NEK11: variants seen among roughly 807,000 people sequenced by gnomAD.
NEK11 encodes NIMA related kinase 11.
A neutral mutation model predicts 80.7 loss-of-function variants in NEK11; 72 were observed. The ratio of observed to expected loss-of-function variants is 0.89; its 90% CI spans 0.74 to 1.08. The LOEUF (loss-of-function observed/expected upper bound fraction) is 1.08. Among genes scored for constraint, NEK11 ranks in the 50% least tolerant of loss-of-function variants. The pLI is 0.00. For missense variants in NEK11, 764 were observed against 763.6 expected (o/e 1.00, Z -0.01); for synonymous variants, 251 against 260.7 (o/e 0.96, Z 0.36).
intron 14 of NEK11, among the ~76,000 whole-genome samples, chr3:131,208,517 T>C (rs1156875216): frequency 6.6e-6 from 1 of 152,214 alleles, no homozygotes; most frequent in Admixed American, 6.5e-5. Context: ...ATTGGTAGCT[T>C]GATGGGGATG....
chr3:131,039,562 C>T (rs1325072353), intron 3 of NEK11, among the ~76,000 whole-genome samples: 1 of 152,192 alleles, frequency 6.6e-6, no homozygotes, highest in Non-Finnish European at 1.5e-5. Context: ...TCCTTTCCTT[C>T]TAAACCGATC....
intron 16 of NEK11, among the ~76,000 whole-genome samples, chr3:131,266,208 T>A (rs2096055131): frequency 6.6e-6 from 1 of 152,224 alleles, no homozygotes; most frequent in Non-Finnish European, 1.5e-5. Flanking sequence ...CTCTAACTCC[T>A]TCAGTTTTGC....
intron 4 of NEK11, among the ~76,000 whole-genome samples, chr3:131,096,492 C>T (rs2077451198): frequency 6.6e-6 from 1 of 152,010 alleles, no homozygotes; most frequent in Non-Finnish European, 1.5e-5. Context: ...GAACATTATG[C>T]ATGCATATGT....
intron 17 of NEK11, among the ~76,000 whole-genome samples, chr3:131,297,093 G>A (rs1276006254): frequency 3.3e-5 from 5 of 152,088 alleles, no homozygotes; most frequent in African/African-American, 1.2e-4. Context: ...CCAAGTCTTT[G>A]CTATTGTGAA....
chr3:131,047,793 G>A lies in NEK11; in HGVS notation c.170+17915G>A, dbSNP rs537976822. Among the ~76,000 whole-genome samples, 21 of 152,348 alleles carry A rather than the reference G, an allele frequency of 1.4e-4. No individual in the cohort carries two copies. The South Asian group carries it at 4.3e-3, about 32-fold the overall frequency. On this transcript the variant is annotated intron_variant, in intron 3 of 17. Transcript: ENST00000383366. ...TGGCGCTTTCAAGAGAGCATCAGCT[G>A]TGGTAGTATAGGAAGGATCAGGTGG...
intron 17 of NEK11, among the ~76,000 whole-genome samples, chr3:131,311,949 A>G (rs1317214688): frequency 6.6e-6 from 1 of 152,226 alleles, no homozygotes; most frequent in Non-Finnish European, 1.5e-5. Context: ...ATTTGAAATA[A>G]CTGGTTGGGT....
chr3:131,092,904 T>C (rs1275812526), intron 4 of NEK11: 1 of 152,192 alleles, frequency 6.6e-6, no homozygotes, highest in Non-Finnish European at 1.5e-5. Context: ...CCAATTTTAG[T>C]ATATGTGCTG....
intron 3 of NEK11, among the ~76,000 whole-genome samples, chr3:131,071,214 C>A (rs1389317901): frequency 6.6e-6 from 1 of 152,090 alleles, no homozygotes; most frequent in Non-Finnish European, 1.5e-5. Flanking sequence ...GCTATTCCAG[C>A]AAGTATGTTA....
intron 7 of NEK11, among the ~76,000 whole-genome samples, chr3:131,151,267 C>G (rs1187837797): frequency 1.3e-5 from 2 of 151,976 alleles, no homozygotes; most frequent in African/African-American, 4.8e-5. Flanking sequence ...TACACGGGCT[C>G]TATTTCACTG....
In NEK11 at chr3:131,109,631, G is replaced by A. The variant is rs564638932; in HGVS notation, c.337-172G>A. The stretch of plus-strand genomic sequence containing the variant: ...TAATGTTGAGGCCGAGCTGAGAAGA[G>A]TGCTCAAAGGAACCTGGATAGACTT... On this transcript the variant is annotated intron_variant, in intron 4 of 17. Transcript: ENST00000383366. The A allele has an allele frequency of 2.5e-4, 155 of 624,080 alleles. No individual in the cohort carries two copies. In the African/African-American group the frequency reaches 2.6e-3, roughly 11 times the overall value. The allele number at this position is 624,080 out of a possible 1,614,324, so 38.7% of individuals were successfully genotyped here. A position where few individuals can be genotyped will look rare whatever the true frequency, so the allele number is the denominator to read the frequency against.
chr3:131,313,700 C>G (rs980608278), intron 17 of NEK11, among the ~76,000 whole-genome samples: 2 of 152,124 alleles, frequency 1.3e-5, no homozygotes, highest in Non-Finnish European at 2.9e-5. Context: ...TACCATGTCT[C>G]CATGCAAAAT....
chr3:131,288,956 CAT>C (rs781207385), intron 17 of NEK11, among the ~76,000 whole-genome samples: 1 of 152,190 alleles, frequency 6.6e-6, no homozygotes, highest in Non-Finnish European at 1.5e-5. Flanking sequence ...AGATTAAAAA[CAT>C]TCCTTTCCCC....
Position 131,145,642 on chromosome 3 carries a change from A to G in NEK11, c.648-6746A>G, listed in dbSNP as rs552182419. Among the ~76,000 whole-genome samples the G allele has an allele frequency of 1.7e-4, 26 of 152,166 alleles. No individual in the cohort carries two copies. The South Asian group carries it at 5.2e-3, about 30-fold the overall frequency. On this transcript the variant is annotated intron_variant, in intron 7 of 17. Transcript: ENST00000383366. ...CTGTCAGGGCTAGCCCTGATTTCCAACTCAAGAGAGACTTTCGTGATCCAA... is the reference window on the plus strand; with the variant it reads ...CTGTCAGGGCTAGCCCTGATTTCCAGCTCAAGAGAGACTTTCGTGATCCAA...
At chr3:131,089,626 A>C (rs1441080416) in intron 4 of NEK11, among the ~76,000 whole-genome samples, 1 of 151,948 alleles carries the variant, frequency 6.6e-6, no homozygotes. Flanking sequence ...TTTAGTAGAG[A>C]CGGGGTTTCA....
chr3:131,232,934 A>G (rs1331160468), intron 15 of NEK11, among the ~76,000 whole-genome samples: 1 of 151,912 alleles, frequency 6.6e-6, no homozygotes, highest in Non-Finnish European at 1.5e-5. Flanking sequence ...GGAAATTCCT[A>G]TCAAGTAGGT....
chr3:131,261,092 G>A (rs1253531817), intron 16 of NEK11, among the ~76,000 whole-genome samples: 2 of 152,194 alleles, frequency 1.3e-5, no homozygotes, highest in Non-Finnish European at 2.9e-5. Context: ...AAAGAAATGA[G>A]AGAAGAAACT....
intron 14 of NEK11, among the ~76,000 whole-genome samples, chr3:131,178,308 TC>T (rs2093152728): frequency 6.6e-6 from 1 of 152,232 alleles, no homozygotes; most frequent in South Asian, 2.1e-4. Context: ...ATATTTTTCT[TC>T]AACAGTAAAT....
At position 131,251,049 on chromosome 3, in the gene NEK11, C is replaced by G. The variant is rs1044767862; in HGVS notation, c.1621+7553C>G. Among the ~76,000 whole-genome samples the G allele has an allele frequency of 3.3e-5, 5 of 150,582 alleles. No individual in the cohort carries two copies. In the South Asian group the frequency reaches 1.0e-3, roughly 32 times the overall value. ...AATATTTGTAAGTGTATGTGTGCATCTGTGTGTGTGTGTATAACAGAGAGA... is the reference window on the plus strand; with the variant it reads ...AATATTTGTAAGTGTATGTGTGCATGTGTGTGTGTGTGTATAACAGAGAGA... On this transcript the variant is annotated intron_variant, in intron 16 of 17. Transcript: ENST00000383366.
At chr3:131,218,043 G>T (rs2094901260) in intron 14 of NEK11, among the ~76,000 whole-genome samples, 1 of 152,178 alleles carries the variant, frequency 6.6e-6, no homozygotes, top group Non-Finnish European at 1.5e-5. Context: ...TTTCTTGAAG[G>T]TCTGAGGATT....
Sources: allele counts gnomAD v4.1 joint callset (sites outside exome capture counted in the v4.1 genomes callset), GRCh38; gene constraint gnomAD v4.1.1; transcripts MANE v1.5; gene names NCBI Gene and HGNC (gene_info 2026-07-23, HGNC 2026-07-21).